CPNE9: variants seen among roughly 807,000 people sequenced by gnomAD.
CPNE9 encodes the protein copine family member 9, also known as copine-9.
Under a neutral mutation model 83.0 loss-of-function variants are expected in CPNE9, and 59 were observed. The observed-to-expected ratio is 0.71, with a 90% confidence interval of 0.58 to 0.88. The LOEUF is 0.88. Ranked by LOEUF, CPNE9 falls within the 40% of genes least tolerant of loss-of-function variation. The pLI is 0.00. For synonymous variants in CPNE9, 256 were observed against 273.4 expected (o/e 0.94, Z 0.63); for missense variants, 619 against 720.8 (o/e 0.86, Z 1.62).
chr3:9,717,990 C>G, intron 15 of CPNE9, 39 bp from the exon 16 acceptor site: 1 of 1,552,158 alleles, frequency 6.4e-7, no homozygotes, highest in Non-Finnish European at 8.8e-7. Flanking sequence ...GATGGATGAT[C>G]CAGATGATCA....
intron 19 of CPNE9, 53 bp from the exon 20 acceptor site, chr3:9,727,060 C>A: frequency 6.3e-7 from 1 of 1,592,664 alleles, no homozygotes; most frequent in Non-Finnish European, 8.6e-7. Context: ...GAGGGGGCAG[C>A]ATGGGGTGGG....
chr3:9,713,268 C>T (rs182840211), intron 10 of CPNE9, among the ~76,000 whole-genome samples, 189 bp downstream of exon 10: 2 of 152,156 alleles, frequency 1.3e-5, no homozygotes, highest in Non-Finnish European at 2.9e-5. Flanking sequence ...GGTGGACTAT[C>T]CAGGGATGGA....
At chr3:9,711,380 T>C (rs1236125991) in intron 7 of CPNE9, among the ~76,000 whole-genome samples, 2 of 151,946 alleles carry the variant, frequency 1.3e-5, no homozygotes, top group Non-Finnish European at 2.9e-5. Flanking sequence ...TTTTTTCTTT[T>C]TTTTTTTTGC....
rs113798891 is a variant in CPNE9, at chr3:9,708,196, C to T, written c.377+2133C>T. On this transcript the variant is annotated intron_variant, in intron 7 of 20. Coordinates refer to ENST00000383832, the MANE Select transcript of CPNE9 (RefSeq NM_153635.3). ...TGAACTCCTGACATCAAGTAGTCCTCCTGCCTTGGCCTCCCAAAGTGCTGG... is the reference window on the plus strand; with the variant it reads ...TGAACTCCTGACATCAAGTAGTCCTTCTGCCTTGGCCTCCCAAAGTGCTGG... Among the ~76,000 whole-genome samples, 365 of 152,356 alleles carry T rather than the reference C, an allele frequency of 2.4e-3. 3 individuals are homozygous for T. Among genetic ancestry groups the T allele is most frequent in the Non-Finnish European group, 3.8e-3 (258 of 68,030 alleles).
In CPNE9 at chr3:9,704,668, G is replaced by A; in HGVS notation, c.109+41G>A. ...ACCGGGAGGGGGAACTTGGGGTCTG[G>A]GCGCGACTCAGGGGCGGGTGGAGTC... On this transcript the variant is annotated intron_variant, in intron 2 of 20. Transcript: ENST00000383832. This position sits in a 1 kb window ranked among gnomAD's most constrained non-coding sequence, Gnocchi z 7.1. 1.9e-6 allele frequency: 3 copies of A among 1,612,876 alleles called. No individual in the cohort carries two copies. The highest frequency in any genetic ancestry group is 1.7e-6 in the Non-Finnish European group (2 of 1,178,920).
At chr3:9,707,881 T>A (rs552645792) in intron 7 of CPNE9, among the ~76,000 whole-genome samples, 1 of 152,182 alleles carries the variant, frequency 6.6e-6, no homozygotes, top group East Asian at 1.9e-4. Context: ...TTATGTTTTA[T>A]AAACATATAA....
At chr3:9,715,156 T>C (rs2076668715) in intron 11 of CPNE9, 133 bp from the exon 12 acceptor site, 2 of 1,055,782 alleles carry the variant, frequency 1.9e-6, no homozygotes, top group Non-Finnish European at 2.8e-6. Context: ...ATGTTTGGCC[T>C]CCCTTATGGC....
At chr3:9,725,228 T>G (rs2076766574) in intron 17 of CPNE9, among the ~76,000 whole-genome samples, 2 of 152,128 alleles carry the variant, frequency 1.3e-5, no homozygotes, top group South Asian at 4.1e-4. Context: ...CCATAGTAAG[T>G]GCTCAATAAA....
At chr3:9,707,081 C>A (rs529134617) in intron 7 of CPNE9, among the ~76,000 whole-genome samples, 1 of 152,026 alleles carries the variant, frequency 6.6e-6, no homozygotes, top group Non-Finnish European at 1.5e-5. Flanking sequence ...GGGCCAGGCG[C>A]GGTGGCTCAC....
chr3:9,727,680 C>T (rs1266032574), intron 20 of CPNE9, among the ~76,000 whole-genome samples: 1 of 152,168 alleles, frequency 6.6e-6, no homozygotes, highest in Non-Finnish European at 1.5e-5. Flanking sequence ...AGCAGGATCA[C>T]ACTGAGTGTG....
chr3:9,725,678 A>G lies in CPNE9; in HGVS notation c.1242-271A>G, dbSNP rs1410839882. 3.9e-3 allele frequency among the ~76,000 whole-genome samples: 226 copies of G among 57,346 alleles called. 2 individuals are homozygous for G. The highest frequency in any genetic ancestry group is 5.7e-3 in the Non-Finnish European group (187 of 32,688). The allele number at this position is 57,346 out of a possible 152,430, so 37.6% of individuals were successfully genotyped here. On this transcript the variant is annotated intron_variant, in intron 17 of 20. Transcript: ENST00000383832. The stretch of plus-strand genomic sequence containing the variant: ...TGTGTATATATGTATATATATGTGT[A>G]TATATATATACATATATGTGTATAT...
intron 17 of CPNE9, among the ~76,000 whole-genome samples, chr3:9,722,836 TAACTCCTCGTGG>T (rs1263816189): frequency 6.6e-6 from 1 of 152,128 alleles, no homozygotes; most frequent in Admixed American, 6.5e-5. Context: ...GTTCTACATG[TAACTCCTCGTGG>T]TTTGCACTTG....
intron 20 of CPNE9, 130 bp downstream of exon 20, chr3:9,727,316 A>G: frequency 1.0e-6 from 1 of 996,584 alleles, no homozygotes; most frequent in South Asian, 1.3e-5. Context: ...ATCCTTTCTC[A>G]TTCATTGAAT....
intron 10 of CPNE9, among the ~76,000 whole-genome samples, chr3:9,714,528 C>A (rs1184514032): frequency 6.7e-6 from 1 of 149,746 alleles, no homozygotes. Flanking sequence ...TTTCCTTATC[C>A]CAAAATAATA....
In CPNE9 at chr3:9,718,164, G is replaced by A. The variant is rs1201292189; in HGVS notation, c.1067G>A (p.Gly356Glu). ...SDKLFPAYGF[G>E]AKLPPEGRIS... ...AAGCTCTTCCCAGCTTATGGCTTTG[G>A]GGCCAAGCTGCCCCCAGAGGGACGG... The change falls in exon 16 of 21, where the codon GGG (glycine) becomes GAG (glutamate). Residue 356 changes from glycine to glutamate, a missense_variant. By Grantham distance (98) the Gly-to-Glu change is moderately conservative. Around this residue, in one of 3 missense-constraint regions of CPNE9, gnomAD observed 438 missense variants for 562.9 expected, o/e 0.78. Transcript: ENST00000383832. 2 of 1,613,896 alleles carry A rather than the reference G, an allele frequency of 1.2e-6. No homozygotes were observed. The highest frequency in any genetic ancestry group is 3.3e-5 in the Admixed American group (2 of 59,976).
intron 4 of CPNE9, 163 bp downstream of exon 4, chr3:9,705,157 A>C (rs2076549308): frequency 3.0e-6 from 2 of 667,870 alleles, no homozygotes; most frequent in Admixed American, 4.3e-5. Flanking sequence ...CTTTTATGAG[A>C]TGCGGTCCAG....
rs2076642106 is a variant in CPNE9, at chr3:9,712,740, C to A, written c.457C>A (p.Gln153Lys). 1 of 1,614,104 alleles carries A rather than the reference C, an allele frequency of 6.2e-7. No individual in the cohort carries two copies. The highest frequency in any genetic ancestry group is 2.2e-5 in the East Asian group (1 of 44,884). Residue 153 changes from glutamine to lysine, a missense_variant, in exon 9 of 21, where the codon CAG becomes AAG. By Grantham distance (53) the Gln-to-Lys change is moderately conservative. Transcript: ENST00000383832. Reference sequence around the variant, plus strand: ...CCATCCCTAGGACATTGCCACCATGCAGCTGTGTGCAAACAAGCTGGACAA... The same window carrying A: ...CCATCCCTAGGACATTGCCACCATGAAGCTGTGTGCAAACAAGCTGGACAA... ...LSNCRDIATM[Q>K]LCANKLDKKD... is the part of the protein sequence containing the mutation.
intron 10 of CPNE9, among the ~76,000 whole-genome samples, chr3:9,714,639 TAAAAAAAAAAAAAAA>T (rs34491669): frequency 3.7e-4 from 38 of 103,354 alleles, no homozygotes; most frequent in South Asian, 9.6e-4. Flanking sequence ...CTCAAAGTGG[TAAAAAAAAAAAAAAA>T]AAAAAAAAAA....
chr3:9,711,599 T>C (rs550657556), intron 7 of CPNE9, among the ~76,000 whole-genome samples: 1 of 152,236 alleles, frequency 6.6e-6, no homozygotes, highest in East Asian at 1.9e-4. Context: ...AAAGAAATAG[T>C]TCAACTCTCA....
Sources: gnomAD v4.1 joint callset for allele counts (sites outside exome capture counted in the v4.1 genomes callset) on GRCh38, gnomAD v4.1.1 for gene constraint, gnomAD v4.1.1 regional missense constraint, Gnocchi (gnomAD v3.1) non-coding constraint, MANE v1.5 for transcripts, NCBI Gene and HGNC (gene_info 2026-07-23, HGNC 2026-07-21) for gene names.